CLEC4C: variants seen among roughly 807,000 people sequenced by gnomAD.
The protein encoded by CLEC4C is C-type (calcium dependent, carbohydrate-recognition domain) lectin, superfamily member 11.
A neutral mutation model predicts 27.7 loss-of-function variants in CLEC4C; 17 were observed. The ratio of observed to expected loss-of-function variants is 0.61; its 90% CI spans 0.42 to 0.92. The LOEUF (loss-of-function observed/expected upper bound fraction) is 0.92, where lower values mean the gene tolerates loss of function less well. Ranked by LOEUF, CLEC4C falls within the 40% of genes least tolerant of loss-of-function variation. The pLI is 0.00. For missense variants in CLEC4C, 244 were observed against 257.3 expected (o/e 0.95, Z 0.35); for synonymous variants, 80 against 80.8 (o/e 0.99, Z 0.06).
At chr12:7,741,338 T>G in intron 3 of CLEC4C, 83 bp downstream of exon 3, 1 of 795,206 alleles carries the variant, frequency 1.3e-6, no homozygotes, top group Non-Finnish European at 2.2e-6. Context: ...CAGTTGATAA[T>G]TTTAGTGCTG....
At chr12:7,747,905 G>C (rs1865021204), upstream of CLEC4C, among the ~76,000 whole-genome samples, 8 of 104,468 alleles carry the variant, frequency 7.7e-5, no homozygotes, top group South Asian at 2.8e-3. Context: ...TGGGCAACAA[G>C]AGCAAAACTC....
At position 7,729,749 on chromosome 12, in the gene CLEC4C, T is replaced by C. The variant is rs772472463; in HGVS notation, c.498-9A>G. On this transcript the variant is annotated splice_polypyrimidine_tract_variant and intron_variant, in intron 5 of 5. Coordinates refer to ENST00000360345, the MANE Select transcript of CLEC4C (RefSeq NM_001371390.1). ...CACCTGAGTGCCAGAATCTGAAAGGTAGATAAAGGACAGTGGTGTTTTGAA... is the reference window on the plus strand; with the variant it reads ...CACCTGAGTGCCAGAATCTGAAAGGCAGATAAAGGACAGTGGTGTTTTGAA... The C allele has an allele frequency of 2.1e-5, 34 of 1,612,842 alleles. No homozygotes were observed. In the East Asian group the frequency reaches 4.9e-4, roughly 23 times the overall value.
chr12:7,741,120 GC>G (rs2120416624), intron 3 of CLEC4C, among the ~76,000 whole-genome samples: 1 of 152,190 alleles, frequency 6.6e-6, no homozygotes, highest in African/African-American at 2.4e-5. Flanking sequence ...GAGCCACCGC[GC>G]CCGGACTTTT....
At position 7,734,026 on chromosome 12, in the gene CLEC4C, G is replaced by A. The variant is rs779646250; in HGVS notation, c.382-3114C>T. 6.6e-5 allele frequency among the ~76,000 whole-genome samples: 10 copies of A among 152,178 alleles called. No individual in the cohort carries two copies. The East Asian group carries it at 1.5e-3, about 23-fold the overall frequency. On this transcript the variant is annotated intron_variant, in intron 4 of 5. Transcript: ENST00000360345. ...TTCTGCCTCAGCCACCCAAGTATCC[G>A]GGACTACAGGCATGAAACACGTCGC... is the stretch of plus-strand genomic sequence containing the variant.
chr12:7,743,198 T>C (rs1864896873), intron 2 of CLEC4C, among the ~76,000 whole-genome samples: 1 of 152,162 alleles, frequency 6.6e-6, no homozygotes. Context: ...CACAGGTCTT[T>C]TGGTTTTTCC....
At chr12:7,731,944 A>C (rs1864604740) in intron 4 of CLEC4C, among the ~76,000 whole-genome samples, 1 of 152,104 alleles carries the variant, frequency 6.6e-6, no homozygotes, top group African/African-American at 2.4e-5. Flanking sequence ...ACAGAATGAG[A>C]CTCTGTGTCC....
intron 5 of CLEC4C, among the ~76,000 whole-genome samples, chr12:7,730,512 T>C (rs1864571142): frequency 6.6e-6 from 1 of 152,030 alleles, no homozygotes; most frequent in African/African-American, 2.4e-5. Context: ...TGGTGGCACA[T>C]GCCTGTAATC....
intron 4 of CLEC4C, among the ~76,000 whole-genome samples, chr12:7,733,420 C>A (rs1006760155): frequency 6.6e-6 from 1 of 151,088 alleles, no homozygotes; most frequent in African/African-American, 2.4e-5. Context: ...TATGCCACCA[C>A]ACCTGGCTAA....
intron 4 of CLEC4C, 152 bp downstream of exon 4, chr12:7,737,277 G>A: frequency 1.6e-6 from 1 of 629,934 alleles, no homozygotes; most frequent in African/African-American, 1.9e-5. Flanking sequence ...CCAGATTAAG[G>A]AGATTTTCCT....
chr12:7,729,586 A>G lies in CLEC4C; in HGVS notation c.*10T>C. The G allele has an allele frequency of 6.2e-7, 1 of 1,611,870 alleles. No homozygotes were observed. The highest frequency in any genetic ancestry group is 8.5e-7 in the Non-Finnish European group (1 of 1,178,786). ...CCAACCCAAACACATTTCCAGGGAG[A>G]ATATTTCATTTATATGTAGATCTTC... On this transcript the variant is annotated 3_prime_UTR_variant, in exon 6 of 6. Coordinates refer to ENST00000360345, the MANE Select transcript of CLEC4C (RefSeq NM_001371390.1).
At chr12:7,730,097 A>T (rs1388369093) in intron 5 of CLEC4C, among the ~76,000 whole-genome samples, 7 of 152,024 alleles carry the variant, frequency 4.6e-5, no homozygotes, top group Non-Finnish European at 7.4e-5. Flanking sequence ...AATGATTCAA[A>T]TATTTTTTTT....
At chr12:7,730,657 A>G (rs1392228457) in intron 5 of CLEC4C, 140 bp downstream of exon 5, 2 of 452,966 alleles carry the variant, frequency 4.4e-6, no homozygotes, top group South Asian at 5.5e-5. Flanking sequence ...AAAAAAAAAA[A>G]GCACAACCCT....
intron 2 of CLEC4C, among the ~76,000 whole-genome samples, chr12:7,745,463 C>CA (rs1864954046): frequency 9.0e-6 from 1 of 111,508 alleles, no homozygotes; most frequent in Admixed American, 1.3e-4. Context: ...GACAGAGTCT[C>CA]ACTCTGTCAC....
In CLEC4C at chr12:7,739,238, G is replaced by A. The variant is rs760397866; in HGVS notation, c.236-1664C>T. Among the ~76,000 whole-genome samples, 711 of 151,558 alleles carry A rather than the reference G, an allele frequency of 4.7e-3. 4 individuals are homozygous for A. The highest frequency in any genetic ancestry group is 0.016 in the African/African-American group (664 of 41,350). ...AGCAATTCTCCTGCCTCAGCCTCCGGAGTAGCTGGGACTACAGGTGCCCGC... is the reference window on the plus strand; with the variant it reads ...AGCAATTCTCCTGCCTCAGCCTCCGAAGTAGCTGGGACTACAGGTGCCCGC... On this transcript the variant is annotated intron_variant, in intron 3 of 5. Transcript: ENST00000360345.
chr12:7,733,630 C>A lies in CLEC4C; in HGVS notation c.382-2718G>T, dbSNP rs985576745. 6.0e-5 allele frequency among the ~76,000 whole-genome samples: 9 copies of A among 151,218 alleles called. 1 individual carries two copies. The highest frequency in any genetic ancestry group is 2.2e-4 in the African/African-American group (9 of 40,994). On this transcript the variant is annotated intron_variant, in intron 4 of 5. Coordinates refer to ENST00000360345, the MANE Select transcript of CLEC4C (RefSeq NM_001371390.1). ...CCGAGTAGCTGGAACTACAGGCTCCCGCCACCATGCCCTGCTAATTTTTTG... is the reference window on the plus strand; with the variant it reads ...CCGAGTAGCTGGAACTACAGGCTCCAGCCACCATGCCCTGCTAATTTTTTG...
chr12:7,731,951 G>A (rs1410541031), intron 4 of CLEC4C, among the ~76,000 whole-genome samples: 1 of 152,110 alleles, frequency 6.6e-6, no homozygotes, highest in Non-Finnish European at 1.5e-5. Flanking sequence ...GAGACTCTGT[G>A]TCCAAAAAAT....
intron 3 of CLEC4C, 33 bp from the exon 4 acceptor site, chr12:7,737,607 T>G (rs756676359): frequency 6.3e-7 from 1 of 1,591,066 alleles, no homozygotes; most frequent in Admixed American, 1.7e-5. Context: ...AGAAAAAATA[T>G]TAACAGAGAA....
intron 4 of CLEC4C, among the ~76,000 whole-genome samples, chr12:7,732,498 C>G (rs1048488932): frequency 2.2e-4 from 33 of 150,950 alleles, no homozygotes; most frequent in African/African-American, 7.6e-4. Flanking sequence ...ATTACACGCA[C>G]GAGCCACCAT....
At chr12:7,738,224 A>G (rs1463558923) in intron 3 of CLEC4C, among the ~76,000 whole-genome samples, 1 of 152,174 alleles carries the variant, frequency 6.6e-6, no homozygotes, top group African/African-American at 2.4e-5. Flanking sequence ...TTTTGGGAAA[A>G]TTATATAACC....
Sources: allele counts gnomAD v4.1 joint callset (sites outside exome capture counted in the v4.1 genomes callset), GRCh38; gene constraint gnomAD v4.1.1; transcripts MANE v1.5; gene names NCBI Gene and HGNC (gene_info 2026-07-23, HGNC 2026-07-21).